FARS2: variants seen among roughly 807,000 people sequenced by gnomAD.
The protein encoded by FARS2 is phenylalanine--tRNA ligase, mitochondrial.
A neutral mutation model predicts 46.4 loss-of-function variants in FARS2; 40 were observed. The ratio of observed to expected loss-of-function variants is 0.86; its 90% CI spans 0.67 to 1.12. The LOEUF (loss-of-function observed/expected upper bound fraction) is 1.12, where lower values mean the gene tolerates loss of function less well. Among genes scored for constraint, FARS2 ranks in the 50% most tolerant of loss-of-function variants. FARS2 has a pLI of 0.00. For missense variants in FARS2, 513 were observed against 567.9 expected, an observed-to-expected ratio of 0.90 and a Z score of 0.98; for synonymous variants, 234 against 214.9, an observed-to-expected ratio of 1.09 and a Z score of -0.78.
At chr6:5,530,404 G>GGATCCTTAAT (rs1769747809) in intron 4 of FARS2, among the ~76,000 whole-genome samples, 1 of 152,022 alleles carries the variant, frequency 6.6e-6, no homozygotes, top group Non-Finnish European at 1.5e-5. Context: ...ATCCTCAACT[G>GGATCCTTAAT]GATCCTTAAT....
chr6:5,262,564 TCATCACG>T (rs966641137), intron 1 of FARS2, among the ~76,000 whole-genome samples: 1 of 152,078 alleles, frequency 6.6e-6, no homozygotes, highest in African/African-American at 2.4e-5. Flanking sequence ...CAGGTGTGAG[TCATCACG>T]CCCAGCCTCT....
chr6:5,640,258 T>C (rs1025794401), intron 6 of FARS2, among the ~76,000 whole-genome samples: 1 of 152,258 alleles, frequency 6.6e-6, no homozygotes. Context: ...AGGTCCCGTA[T>C]TATGTACTGG....
intron 1 of FARS2, among the ~76,000 whole-genome samples, chr6:5,356,285 C>G (rs952117604): frequency 2.6e-5 from 4 of 152,114 alleles, no homozygotes; most frequent in African/African-American, 9.7e-5. Context: ...CTCATCTCTA[C>G]TAAGGATGCA....
At chr6:5,341,235 A>ATATATATATATTT (rs1561970178) in intron 1 of FARS2, among the ~76,000 whole-genome samples, 2 of 10,268 alleles carry the variant, frequency 1.9e-4, no homozygotes, top group Non-Finnish European at 4.0e-4. Flanking sequence ...ATATATATAT[A>ATATATATATATTT]TTTTTTTTTT....
Position 5,699,057 on chromosome 6 carries a change from A to G in FARS2, c.1218-72234A>G, listed in dbSNP as rs115457657. On this transcript the variant is annotated intron_variant, in intron 6 of 6. Transcript: ENST00000274680. ...CTCAGACTGCTGGGAAGGGCTGTAT[A>G]TCAAAGTAGACTACAGTTCACAGGG... Among the ~76,000 whole-genome samples the G allele has an allele frequency of 4.8e-3, 725 of 152,302 alleles. 1 individual carries two copies. Among genetic ancestry groups the G allele is most frequent in the Non-Finnish European group, 8.5e-3 (576 of 68,024 alleles).
chr6:5,624,819 G>GCGGCCC (rs1775950098), intron 6 of FARS2, among the ~76,000 whole-genome samples: 1 of 152,158 alleles, frequency 6.6e-6, no homozygotes, highest in African/African-American at 2.4e-5. Context: ...GTAGGGTGGG[G>GCGGCCC]CGGCCCCGCC....
In FARS2 at chr6:5,727,956, G is replaced by A. The variant is rs1038966017; in HGVS notation, c.1218-43335G>A. Among the ~76,000 whole-genome samples, 4 of 152,232 alleles carry A rather than the reference G, an allele frequency of 2.6e-5. No individual in the cohort carries two copies. Among genetic ancestry groups the A allele is most frequent in the African/African-American group, 4.8e-5 (2 of 41,452 alleles). ...ACGCTGTTAGAGGGGAAGTGTTGGGGTGAAAGGTCCCTGGGAGCTTCGCTT... is the reference window on the plus strand; with the variant it reads ...ACGCTGTTAGAGGGGAAGTGTTGGGATGAAAGGTCCCTGGGAGCTTCGCTT... On this transcript the variant is annotated intron_variant, in intron 6 of 6. Coordinates refer to ENST00000274680, the MANE Select transcript of FARS2 (RefSeq NM_006567.5). The surrounding 1 kb of genome is among the most constrained non-coding windows in gnomAD (Gnocchi z 4.1).
intron 2 of FARS2, among the ~76,000 whole-genome samples, chr6:5,401,506 T>A (rs2127713219): frequency 6.6e-6 from 1 of 152,300 alleles, no homozygotes; most frequent in East Asian, 1.9e-4. Context: ...TGGATATTAG[T>A]CTTTCAATGT....
At chr6:5,450,384 C>T (rs540775479) in intron 4 of FARS2, among the ~76,000 whole-genome samples, 1 of 151,856 alleles carries the variant, frequency 6.6e-6, no homozygotes, top group African/African-American at 2.4e-5. Flanking sequence ...GTGATGTGGG[C>T]TGCAGGGGCA....
At chr6:5,742,277 C>T (rs1308479193) in intron 6 of FARS2, among the ~76,000 whole-genome samples, 2 of 152,206 alleles carry the variant, frequency 1.3e-5, no homozygotes, top group Admixed American at 6.5e-5. Flanking sequence ...TTAATCGTCA[C>T]GCTTAACTCC....
intron 6 of FARS2, among the ~76,000 whole-genome samples, chr6:5,721,227 G>A (rs1424323507): frequency 2.0e-5 from 3 of 151,414 alleles, no homozygotes; most frequent in African/African-American, 4.9e-5. Flanking sequence ...AATCTTTTTC[G>A]GGTCTGGTCT....
intron 2 of FARS2, among the ~76,000 whole-genome samples, chr6:5,384,600 T>C (rs1760000085): frequency 5.9e-5 from 9 of 152,204 alleles, no homozygotes; most frequent in Admixed American, 5.2e-4. Flanking sequence ...TTTTCTGTCA[T>C]GGAGGCTTAA....
intron 6 of FARS2, among the ~76,000 whole-genome samples, chr6:5,632,356 C>CT (rs1776330380): frequency 6.6e-6 from 1 of 152,084 alleles, no homozygotes; most frequent in South Asian, 2.1e-4. Context: ...CCATTCCAAA[C>CT]TTTTTGTGGT....
intron 4 of FARS2, among the ~76,000 whole-genome samples, chr6:5,537,652 G>C (rs1210143112): frequency 6.6e-6 from 1 of 152,226 alleles, no homozygotes; most frequent in Non-Finnish European, 1.5e-5. Context: ...GCAGACAAGA[G>C]GCCACATGCA....
chr6:5,735,379 G>A (rs995429915), intron 6 of FARS2, among the ~76,000 whole-genome samples: 5 of 152,166 alleles, frequency 3.3e-5, no homozygotes, highest in Admixed American at 3.3e-4. Flanking sequence ...CACACTAGTG[G>A]ACTGGACCAA....
At chr6:5,646,835 ATCTTTT>A (rs1777104575) in intron 6 of FARS2, among the ~76,000 whole-genome samples, 1 of 152,234 alleles carries the variant, frequency 6.6e-6, no homozygotes, top group Non-Finnish European at 1.5e-5. Context: ...GGACCAAACC[ATCTTTT>A]TCTTTTTTCA....
At position 5,372,684 on chromosome 6, in the gene FARS2, T is replaced by C. The variant is rs374491776; in HGVS notation, c.612+3502T>C. Among the ~76,000 whole-genome samples the C allele has an allele frequency of 4.8e-4, 73 of 152,222 alleles. No individual in the cohort carries two copies. In the South Asian group the frequency reaches 0.012, roughly 26 times the overall value. On this transcript the variant is annotated intron_variant, in intron 2 of 6. Transcript: ENST00000274680. ...CAAATTACTTATCACTGACCAGCAA[T>C]GAAAATACTTTGAACTGCTCAAATG...
intron 1 of FARS2, among the ~76,000 whole-genome samples, chr6:5,275,182 A>C (rs141704256): frequency 6.6e-6 from 1 of 152,346 alleles, no homozygotes; most frequent in Admixed American, 6.5e-5. Flanking sequence ...CATTTGTTAC[A>C]TGTACACAAG....
chr6:5,769,984 G>T (rs942974951), intron 6 of FARS2, among the ~76,000 whole-genome samples: 14 of 152,152 alleles, frequency 9.2e-5, no homozygotes, highest in Non-Finnish European at 7.3e-5. Flanking sequence ...GACTAGGGAG[G>T]CCAGGACCAA....
Sources: allele counts gnomAD v4.1 joint callset (sites outside exome capture counted in the v4.1 genomes callset), GRCh38; gene constraint gnomAD v4.1.1; non-coding constraint Gnocchi (gnomAD v3.1); transcripts MANE v1.5; gene names NCBI Gene and HGNC (gene_info 2026-07-23, HGNC 2026-07-21).